COL1A1: variants seen among roughly 807,000 people sequenced by gnomAD.
COL1A1 encodes collagen alpha-1(I) chain.
In COL1A1, 21 loss-of-function variants were observed where a neutral mutation model predicts 195.7. The observed-to-expected ratio is 0.11, with a 90% CI of 0.08 to 0.15. COL1A1 has a LOEUF of 0.15. COL1A1 is among the 10% of genes least tolerant of loss of function. The pLI is 1.00. For missense variants in COL1A1, 1,365 were observed against 2,051.0 expected (o/e 0.67, Z 6.46); for synonymous variants, 749 against 747.3 (o/e 1.00, Z -0.04).
chr17:50,198,802 G>A (rs1035189515), intron 5 of COL1A1: 9 of 469,200 alleles, frequency 1.9e-5, no homozygotes, highest in South Asian at 8.5e-5. Flanking sequence ...ATGATTAAAC[G>A]CAATACATAA....
intron 1 of COL1A1, among the ~76,000 whole-genome samples, 172 bp downstream of exon 1, chr17:50,201,238 CG>C (rs1239595934): frequency 6.6e-6 from 1 of 152,210 alleles, no homozygotes; most frequent in East Asian, 1.9e-4. Context: ...ACCCCAACCT[CG>C]CCCCAGGGTG....
Position 50,184,707 on chromosome 17 carries a change from G to A in COL1A1, c.*795C>T, listed in dbSNP as rs886053147. The A allele has an allele frequency of 1.6e-4, 35 of 224,612 alleles. No individual in the cohort carries two copies. The highest frequency in any genetic ancestry group is 2.3e-4 in the Non-Finnish European group (26 of 112,798). 13.9% of individuals were successfully genotyped at this position (224,612 alleles called of 1,614,324 possible). ...CCCGGTGACACATCAAGACAAGAAC[G>A]AGGTAGTCTTTCAGCAACACAGTTA... On this transcript the variant is annotated 3_prime_UTR_variant, in exon 51 of 51. Transcript: ENST00000225964.
rs772257463 is a variant in COL1A1, at chr17:50,190,974, C to T, written c.2236-50G>A. 14 of 1,558,202 alleles carry T rather than the reference C, an allele frequency of 9.0e-6. No individual in the cohort carries two copies. In the African/African-American group the frequency reaches 1.2e-4, roughly 14 times the overall value. Reference sequence around the variant, plus strand: ...TTTCCAGTGTGGGGCAAGGAGGTGACCTATAGTGTTCTGCTTGTGTCTGGG... The same window carrying T: ...TTTCCAGTGTGGGGCAAGGAGGTGATCTATAGTGTTCTGCTTGTGTCTGGG... On this transcript the variant is annotated intron_variant, in intron 32 of 50. Coordinates refer to ENST00000225964, the MANE Select transcript of COL1A1 (RefSeq NM_000088.4). This position sits in a 1 kb window ranked among gnomAD's most constrained non-coding sequence, Gnocchi z 4.7.
At position 50,196,610 on chromosome 17, in the gene COL1A1, C is replaced by T. The variant is rs1250228424; in HGVS notation, c.858+7G>A. ...TGGAGGACCATGATGTTCAGACAGCCTCTTACCTTAGGACCAGCAGGACCA... is the reference window on the plus strand; with the variant it reads ...TGGAGGACCATGATGTTCAGACAGCTTCTTACCTTAGGACCAGCAGGACCA... On this transcript the variant is annotated splice_region_variant and intron_variant, in intron 12 of 50. Coordinates refer to ENST00000225964, the MANE Select transcript of COL1A1 (RefSeq NM_000088.4). The T allele has an allele frequency of 6.2e-7, 1 of 1,614,198 alleles. No homozygotes were observed. Among genetic ancestry groups the T allele is most frequent in the Non-Finnish European group, 8.5e-7 (1 of 1,180,030 alleles).
At position 50,201,585 on chromosome 17, in the gene COL1A1, A is replaced by G. The variant is rs2144601024; in HGVS notation, c.-72T>C. The G allele has an allele frequency of 7.3e-7, 1 of 1,374,854 alleles. No individual in the cohort carries two copies. Among genetic ancestry groups the G allele is most frequent in the Non-Finnish European group, 9.9e-7 (1 of 1,008,296 alleles). The allele number at this position is 1,374,854 out of a possible 1,614,324, so 85.2% of individuals were successfully genotyped here. ...AGCGTCCGCTCATGCGTGGCCTCAC[A>G]CTCCGCGTGCCTCCTGCTCCGACCC... On this transcript the variant is annotated 5_prime_UTR_variant, in exon 1 of 51. Transcript: ENST00000225964.
In COL1A1 at chr17:50,186,165, G is replaced by C. The variant is rs554507703; in HGVS notation, c.4006-145C>G. 6 of 1,511,850 alleles carry C rather than the reference G, an allele frequency of 4.0e-6. No individual in the cohort carries two copies. In the Admixed American group the frequency reaches 1.1e-4, roughly 27 times the overall value. The allele number at this position is 1,511,850 out of a possible 1,614,324, so 93.7% of individuals were successfully genotyped here. ...CACCACCTGCCCATCGGCAGCCTGT[G>C]TCTGAACCACTATCAGGGACCTGAG... On this transcript the variant is annotated intron_variant, in intron 49 of 50. Coordinates refer to ENST00000225964, the MANE Select transcript of COL1A1 (RefSeq NM_000088.4). The surrounding 1 kb of genome is among the most constrained non-coding windows in gnomAD (Gnocchi z 5.3).
Position 50,194,235 on chromosome 17 carries a change from T to C in COL1A1, c.1615-52A>G, listed in dbSNP as rs1907360691. 1 of 1,585,070 alleles carries C rather than the reference T, an allele frequency of 6.3e-7. No homozygotes were observed. Among genetic ancestry groups the C allele is most frequent in the Non-Finnish European group, 8.6e-7 (1 of 1,157,736 alleles). ...GACTTGGGGAGAAGCATGATGGAGG[T>C]GGGGGAGGACTCCAGAGGGCAGACC... On this transcript the variant is annotated intron_variant, in intron 23 of 50. Transcript: ENST00000225964. This position sits in a 1 kb window ranked among gnomAD's most constrained non-coding sequence, Gnocchi z 6.8.
rs1906878779 is a variant in COL1A1, at chr17:50,189,541, G to A, written c.2668-3C>T. ...GGGCCAGGGGGTCCAGCATTTCCCT[G>A]GATGAGGATAGGAGGGGCTGTCAGA... On this transcript the variant is annotated splice_region_variant and splice_polypyrimidine_tract_variant and intron_variant, in intron 38 of 50. Coordinates refer to ENST00000225964, the MANE Select transcript of COL1A1 (RefSeq NM_000088.4). This position sits in a 1 kb window ranked among gnomAD's most constrained non-coding sequence, Gnocchi z 5.5. The A allele has an allele frequency of 6.2e-7, 1 of 1,612,530 alleles. No homozygotes were observed. The highest frequency in any genetic ancestry group is 1.1e-5 in the South Asian group (1 of 91,022).
chr17:50,186,892 G>A lies in COL1A1; in HGVS notation c.3562C>T (p.Pro1188Ser), dbSNP rs1045035904. 8 of 1,613,942 alleles carry A rather than the reference G, an allele frequency of 5.0e-6. No homozygotes were observed. Among genetic ancestry groups the A allele is most frequent in the Non-Finnish European group, 6.8e-6 (8 of 1,179,982 alleles). The part of the protein sequence containing the change: ...GPPGPPGPPG[P>S]PGPPSAGFDF... ...AAACCAGCGCTGGGAGGACCAGGGG[G>A]ACCAGGAGGTCCAGGAGGGCCGGGG... is the stretch of plus-strand genomic sequence containing the variant. Residue 1188 changes from proline (P) to serine (S), a missense_variant, in exon 48 of 51, where the codon CCC (proline) becomes TCC (serine). Pro to Ser is a moderately conservative substitution (Grantham distance 74, BLOSUM62 -1). Coordinates refer to ENST00000225964, the MANE Select transcript of COL1A1 (RefSeq NM_000088.4). This position sits in a 1 kb window ranked among gnomAD's most constrained non-coding sequence, Gnocchi z 5.3.
In COL1A1 at chr17:50,188,810, A is replaced by C; in HGVS notation, c.3046-15T>G. ...CCAGGAGCCCCCTGCAGAGAGAGAGAGAGAGAAGTGAGAGTCAGCCGGGGA... is the reference window on the plus strand; with the variant it reads ...CCAGGAGCCCCCTGCAGAGAGAGAGCGAGAGAAGTGAGAGTCAGCCGGGGA... On this transcript the variant is annotated splice_polypyrimidine_tract_variant and intron_variant, in intron 41 of 50. Coordinates refer to ENST00000225964, the MANE Select transcript of COL1A1 (RefSeq NM_000088.4). This position sits in a 1 kb window ranked among gnomAD's most constrained non-coding sequence, Gnocchi z 5.6. 2 of 1,613,890 alleles carry C rather than the reference A, an allele frequency of 1.2e-6. No homozygotes were observed. Among genetic ancestry groups the C allele is most frequent in the Non-Finnish European group, 8.5e-7 (1 of 1,179,900 alleles).
At chr17:50,187,342 T>C in intron 46 of COL1A1, 142 bp downstream of exon 46, 1 of 911,226 alleles carries the variant, frequency 1.1e-6, no homozygotes, top group Non-Finnish European at 1.7e-6. Flanking sequence ...GATTGTTTGT[T>C]CAGGATTCTT....
rs3062009 is a variant in COL1A1 at position 50,193,484 on chromosome 17, C to CTTTT, written c.1768-441_1768-438dup. On this transcript the variant is annotated intron_variant, in intron 25 of 50. Coordinates refer to ENST00000225964, the MANE Select transcript of COL1A1 (RefSeq NM_000088.4). ...TTCATTTTTTCTTTCTTTCTTTCTT[C>CTTTT]TTTTTTTTTTTTTTTGAGATGGAAT... 4.1e-3 allele frequency: 697 copies of CTTTT among 169,216 alleles called. 9 individuals carry two copies. Among genetic ancestry groups the CTTTT allele is most frequent in the Middle Eastern group, 0.011 (4 of 360 alleles). 10.5% of individuals were successfully genotyped at this position (169,216 alleles called of 1,614,324 possible). A position where few individuals can be genotyped will look rare whatever the true frequency, so the allele number is the denominator to read the frequency against.
At chr17:50,198,838 T>C in intron 5 of COL1A1, 1 of 427,916 alleles carries the variant, frequency 2.3e-6, no homozygotes, top group Non-Finnish European at 4.3e-6. Flanking sequence ...CAGATTGGGG[T>C]GGTGGGGGGT....
At chr17:50,187,674 T>C in intron 45 of COL1A1, 137 bp from the exon 46 acceptor site, 1 of 1,033,836 alleles carries the variant, frequency 9.7e-7, no homozygotes, top group South Asian at 1.3e-5. Context: ...AGGGTGTCCA[T>C]AGGCAGAGAC....
rs770822473 is a variant in COL1A1 at position 50,195,547 on chromosome 17, A to G, written c.1155+20T>C. 3 of 1,613,948 alleles carry G rather than the reference A, an allele frequency of 1.9e-6. No homozygotes were observed. In the Admixed American group the frequency reaches 5.0e-5, roughly 27 times the overall value. On this transcript the variant is annotated intron_variant, in intron 17 of 50. Coordinates refer to ENST00000225964, the MANE Select transcript of COL1A1 (RefSeq NM_000088.4). The surrounding 1 kb of genome is among the most constrained non-coding windows in gnomAD (Gnocchi z 4.3). ...GAGGTTAGAAAGTGGCAAAGGGGAC[A>G]CTGAGTCGGGGACACTTACAGCAGG...
In COL1A1 at chr17:50,185,257, C is replaced by CTTTTTTTT. The variant is rs56302025; in HGVS notation, c.*237_*244dup. The CTTTTTTTT allele has an allele frequency of 4.7e-4, 90 of 192,480 alleles. No homozygotes were observed. Among genetic ancestry groups the CTTTTTTTT allele is most frequent in the Non-Finnish European group, 5.8e-4 (61 of 105,494 alleles). The allele number at this position is 192,480 out of a possible 1,614,324, so 11.9% of individuals were successfully genotyped here. ...TTTTTTAAAAAGTTATTTATTTATTCTTTTTTTTTTTTTTTTTTTGGTAAG... is the reference window on the plus strand; with the variant it reads ...TTTTTTAAAAAGTTATTTATTTATTCTTTTTTTTTTTTTTTTTTTTTTTTTTTGGTAAG... On this transcript the variant is annotated 3_prime_UTR_variant, in exon 51 of 51. Coordinates refer to ENST00000225964, the MANE Select transcript of COL1A1 (RefSeq NM_000088.4).
intron 7 of COL1A1, 70 bp downstream of exon 7, chr17:50,198,091 C>T (rs1457586280): frequency 1.2e-6 from 2 of 1,606,780 alleles, no homozygotes. Context: ...ATCTCTCCTG[C>T]CCTCATCCCA....
In COL1A1 at chr17:50,185,651, G is replaced by A. The variant is rs966661903; in HGVS notation, c.4249-3C>T. 6.2e-7 allele frequency: 1 copy of A among 1,613,596 alleles called. No homozygotes were observed. Among genetic ancestry groups the A allele is most frequent in the African/African-American group, 1.3e-5 (1 of 74,910 alleles). On this transcript the variant is annotated splice_region_variant and splice_polypyrimidine_tract_variant and intron_variant, in intron 50 of 50. Transcript: ENST00000225964. The stretch of plus-strand genomic sequence containing the variant: ...TTGCCCCAGGCTCCGGTGTGACTCT[G>A]GGGTGGGGCGGAGACAACGGGAGGG...
intron 15 of COL1A1, 25 bp downstream of exon 15, chr17:50,196,130 C>T (rs1907563726): frequency 1.2e-6 from 2 of 1,613,758 alleles, no homozygotes; most frequent in Non-Finnish European, 8.5e-7. Flanking sequence ...ACTCCCAGGC[C>T]CTGAGGCCTA....
Sources: gnomAD v4.1 joint callset for allele counts (sites outside exome capture counted in the v4.1 genomes callset) on GRCh38, gnomAD v4.1.1 for gene constraint, Gnocchi (gnomAD v3.1) non-coding constraint, MANE v1.5 for transcripts, NCBI Gene and HGNC (gene_info 2026-07-23, HGNC 2026-07-21) for gene names.